The following NOS1 variants were observed in gnomAD, a reference collection of about 807,000 sequenced individuals.
NOS1 encodes the protein NOS type I.
In NOS1, 51 loss-of-function variants were observed where a neutral mutation model predicts 164.5. The observed-to-expected ratio is 0.31, with a 90% CI of 0.25 to 0.39. The LOEUF (loss-of-function observed/expected upper bound fraction) is 0.39, where lower values mean the gene tolerates loss of function less well. NOS1 is among the 10% of genes least tolerant of loss of function. NOS1 has a pLI of 1.00. For missense variants in NOS1, 1,362 were observed against 1,885.6 expected (o/e 0.72, Z 5.14); for synonymous variants, 719 against 745.8 (o/e 0.96, Z 0.59).
intron 2 of NOS1, among the ~76,000 whole-genome samples, chr12:117,326,487 T>C (rs944668396): frequency 2.4e-4 from 36 of 152,256 alleles, no homozygotes; most frequent in African/African-American, 8.4e-4. Context: ...TATGATTAAA[T>C]ATCACTCATC....
chr12:117,309,483 G>T, intron 3 of NOS1: 1 of 650,398 alleles, frequency 1.5e-6, no homozygotes, highest in Non-Finnish European at 1.9e-6. Flanking sequence ...TGTAGGCCAA[G>T]CATCAGGAAA....
At chr12:117,228,731 T>C (rs1868921648) in intron 22 of NOS1, among the ~76,000 whole-genome samples, 1 of 152,188 alleles carries the variant, frequency 6.6e-6, no homozygotes, top group Non-Finnish European at 1.5e-5. Flanking sequence ...ATTTTCACCA[T>C]GTTCCTAAAG....
At position 117,345,103 on chromosome 12, in the gene NOS1, C is replaced by T. The variant is rs969286045; in HGVS notation, c.-420-13614G>A. 3.3e-5 allele frequency among the ~76,000 whole-genome samples: 5 copies of T among 149,712 alleles called. No homozygotes were observed. The South Asian group carries it at 1.1e-3, about 32-fold the overall frequency. ...CTGGAGTGCAGTGGCACAATCTCGG[C>T]TCACTGCAACCTCCGCCTCCTGGGT... On this transcript the variant is annotated intron_variant, in intron 1 of 28. Transcript: ENST00000317775.
chr12:117,230,069 G>A (rs1325635477), intron 22 of NOS1, among the ~76,000 whole-genome samples: 1 of 152,154 alleles, frequency 6.6e-6, no homozygotes, highest in East Asian at 1.9e-4. Context: ...ACAGGCATGT[G>A]CCATGACGCC....
intron 2 of NOS1, among the ~76,000 whole-genome samples, chr12:117,317,868 G>A (rs941094441): frequency 1.3e-5 from 2 of 152,058 alleles, no homozygotes; most frequent in African/African-American, 4.8e-5. Context: ...CAACTGAGAG[G>A]CTTGCTAAAG....
At chr12:117,253,096 C>G (rs1043356174) in intron 17 of NOS1, among the ~76,000 whole-genome samples, 1 of 152,168 alleles carries the variant, frequency 6.6e-6, no homozygotes, top group Non-Finnish European at 1.5e-5. Context: ...TTTGTCAAAT[C>G]TGACTGCACG....
At position 117,271,089 on chromosome 12, in the gene NOS1, A is replaced by G. The variant is rs370873701; in HGVS notation, c.1839+1296T>C. On this transcript the variant is annotated intron_variant, in intron 10 of 28. Coordinates refer to ENST00000317775, the MANE Select transcript of NOS1 (RefSeq NM_000620.5). The stretch of plus-strand genomic sequence containing the variant: ...AAAGAAAGAAAAAAGTTTGCATTGC[A>G]TCAGTGGTTGTCCAGAAGAATCTCC... Among the ~76,000 whole-genome samples the G allele has an allele frequency of 4.6e-5, 7 of 152,170 alleles. No homozygotes were observed. In the South Asian group the frequency reaches 1.5e-3, roughly 32 times the overall value.
intron 2 of NOS1, among the ~76,000 whole-genome samples, chr12:117,327,985 T>C (rs934075745): frequency 6.6e-6 from 1 of 152,068 alleles, no homozygotes; most frequent in Non-Finnish European, 1.5e-5. Context: ...TGAGGTGGGC[T>C]GTGACAGACT....
chr12:117,251,473 C>T (rs768909346), intron 17 of NOS1, among the ~76,000 whole-genome samples: 4 of 152,020 alleles, frequency 2.6e-5, no homozygotes, highest in Non-Finnish European at 4.4e-5. Flanking sequence ...GTAGTAGTAG[C>T]GTGATCATGG....
chr12:117,302,016 T>G, intron 3 of NOS1: 1 of 456,736 alleles, frequency 2.2e-6, no homozygotes, highest in Non-Finnish European at 4.4e-6. Context: ...CAACACTTAC[T>G]GGTTATGTGA....
chr12:117,320,088 G>T (rs1210057047), intron 2 of NOS1, among the ~76,000 whole-genome samples: 3 of 152,230 alleles, frequency 2.0e-5, no homozygotes, highest in African/African-American at 2.4e-5. Flanking sequence ...GACAGCCATT[G>T]GTTAGCCCAG....
chr12:117,244,529 A>G (rs1006062926), intron 18 of NOS1, among the ~76,000 whole-genome samples: 1 of 152,218 alleles, frequency 6.6e-6, no homozygotes, highest in African/African-American at 2.4e-5. Flanking sequence ...ATGAGTCACC[A>G]TGCCCAGCCA....
chr12:117,337,979 C>T (rs904095351), intron 1 of NOS1, among the ~76,000 whole-genome samples: 1 of 152,078 alleles, frequency 6.6e-6, no homozygotes, highest in Non-Finnish European at 1.5e-5. Context: ...CTTTGGGAGG[C>T]CGAGGCAGGT....
At chr12:117,276,364 C>T (rs1211103581) in intron 9 of NOS1, among the ~76,000 whole-genome samples, 1 of 152,136 alleles carries the variant, frequency 6.6e-6, no homozygotes, top group Non-Finnish European at 1.5e-5. Context: ...CTCACTGCAA[C>T]CTCTGCTTCC....
intron 2 of NOS1, among the ~76,000 whole-genome samples, chr12:117,323,890 T>G (rs1044844310): frequency 6.6e-6 from 1 of 152,030 alleles, no homozygotes; most frequent in African/African-American, 2.4e-5. Context: ...CAAGCGATTC[T>G]CCTGCCTCAG....
At chr12:117,354,599 CT>C (rs889946434) in intron 1 of NOS1, among the ~76,000 whole-genome samples, 6 of 151,582 alleles carry the variant, frequency 4.0e-5, no homozygotes, top group South Asian at 2.1e-4. Context: ...CCGGAGGTTA[CT>C]TTTTTTTTAT....
At chr12:117,304,034 T>G (rs547737404) in intron 3 of NOS1, among the ~76,000 whole-genome samples, 2 of 152,196 alleles carry the variant, frequency 1.3e-5, no homozygotes, top group East Asian at 3.9e-4. Context: ...TAGCCGGGCG[T>G]GGCGGCGTGC....
chr12:117,340,866 C>A (rs529093844), intron 1 of NOS1, among the ~76,000 whole-genome samples: 12 of 145,924 alleles, frequency 8.2e-5, no homozygotes, highest in Non-Finnish European at 1.5e-4. Context: ...TGATATCACA[C>A]CTGGCTATTT....
intron 26 of NOS1, 85 bp from the exon 27 acceptor site, chr12:117,220,354 G>T: frequency 7.4e-7 from 1 of 1,348,834 alleles, no homozygotes; most frequent in South Asian, 1.4e-5. Context: ...AGCAGAGCCT[G>T]ACTCAGGGGC....
Sources: gnomAD v4.1 joint callset for allele counts (sites outside exome capture counted in the v4.1 genomes callset) on GRCh38, gnomAD v4.1.1 for gene constraint, MANE v1.5 for transcripts, NCBI Gene and HGNC (gene_info 2026-07-23, HGNC 2026-07-21) for gene names.